PRPSAP2: variants seen among roughly 807,000 people sequenced by gnomAD.
PRPSAP2 encodes the protein phosphoribosyl pyrophosphate synthetase associated protein 2.
In PRPSAP2, 24 loss-of-function variants were observed where a neutral mutation model predicts 40.6. The observed-to-expected ratio is 0.59, with a 90% CI of 0.43 to 0.83. The LOEUF is 0.83. Ranked by LOEUF, PRPSAP2 falls within the 40% of genes least tolerant of loss-of-function variation. The pLI, the probability that PRPSAP2 is intolerant of heterozygous loss-of-function variation, is 0.00. For missense variants in PRPSAP2, 292 were observed against 465.6 expected, an observed-to-expected ratio of 0.63 and a Z score of 3.43; for synonymous variants, 149 against 164.7, an observed-to-expected ratio of 0.90 and a Z score of 0.73.
chr17:18,866,713 C>T (rs564335691), intron 3 of PRPSAP2, among the ~76,000 whole-genome samples: 11 of 152,192 alleles, frequency 7.2e-5, no homozygotes, highest in African/African-American at 2.2e-4. Context: ...CAAGATCCAT[C>T]CTTTTTATGA....
chr17:18,877,995 C>T (rs935331527), intron 6 of PRPSAP2, 125 bp downstream of exon 6: 6 of 1,042,522 alleles, frequency 5.8e-6, no homozygotes, highest in South Asian at 3.3e-5. Flanking sequence ...GATCATAGCT[C>T]ACTGCAACTT....
chr17:18,906,539 G>A (rs2040596564), intron 8 of PRPSAP2, among the ~76,000 whole-genome samples: 1 of 150,420 alleles, frequency 6.6e-6, no homozygotes, highest in African/African-American at 2.4e-5. Context: ...TATTTTTGTA[G>A]AGACGAGGTC....
intron 7 of PRPSAP2, among the ~76,000 whole-genome samples, chr17:18,885,145 A>G (rs1025377555): frequency 1.3e-5 from 2 of 152,064 alleles, no homozygotes; most frequent in African/African-American, 2.4e-5. Context: ...CCACACCTAT[A>G]ATCCCAGCAC....
At chr17:18,912,049 G>A (rs2040991240) in intron 9 of PRPSAP2, among the ~76,000 whole-genome samples, 1 of 152,216 alleles carries the variant, frequency 6.6e-6, no homozygotes, top group Non-Finnish European at 1.5e-5. Flanking sequence ...AAGTGTGGTG[G>A]CGTATGCCTG....
intron 9 of PRPSAP2, among the ~76,000 whole-genome samples, chr17:18,914,911 G>A (rs998596688): frequency 6.6e-6 from 1 of 151,768 alleles, no homozygotes; most frequent in East Asian, 1.9e-4. Context: ...TTTTAATAGA[G>A]ATGGCATTCC....
In PRPSAP2 at chr17:18,924,074, C is replaced by T. The variant is rs111586175; in HGVS notation, c.804+90C>T. ...TGATTGATTTTATTACAGAGACTCA[C>T]TGTCGCCCAGGCTGGAGTGCAGTGG... On this transcript the variant is annotated intron_variant, in intron 10 of 11. Coordinates refer to ENST00000268835, the MANE Select transcript of PRPSAP2 (RefSeq NM_002767.4). The T allele has an allele frequency of 2.3e-4, 304 of 1,333,590 alleles. 2 individuals carry two copies. In the African/African-American group the frequency reaches 4.0e-3, roughly 18 times the overall value. 82.6% of individuals were successfully genotyped at this position (1,333,590 alleles called of 1,614,324 possible).
intron 9 of PRPSAP2, among the ~76,000 whole-genome samples, chr17:18,918,752 A>C (rs1411360364): frequency 6.6e-6 from 1 of 152,102 alleles, no homozygotes; most frequent in South Asian, 2.1e-4. Flanking sequence ...CACTGGCTAC[A>C]TGTGGCTCCT....
intron 3 of PRPSAP2, 114 bp from the exon 4 acceptor site, chr17:18,867,168 G>A (rs571500923): frequency 1.3e-5 from 14 of 1,089,202 alleles, no homozygotes; most frequent in Non-Finnish European, 1.8e-5. Context: ...AATTTTATAA[G>A]AAGAATAACT....
intron 5 of PRPSAP2, among the ~76,000 whole-genome samples, chr17:18,873,263 G>GGCTTACCGCAACCTCA (rs1240248403): frequency 2.1e-5 from 3 of 144,390 alleles, no homozygotes; most frequent in African/African-American, 7.8e-5. Flanking sequence ...ACGCGATCTC[G>GGCTTACCGCAACCTCA]GCTTACCGCA....
rs1338617180 is a variant in PRPSAP2 at position 18,911,446 on chromosome 17, CCTT to C, written c.733+199_733+201del. ...GTAAGGCCGTTTAGAAGCAGTCTGT[CCTT>C]CTTTGCAAGACCTGTGAAAATGTTT... On this transcript the variant is annotated intron_variant, in intron 9 of 11. Coordinates refer to ENST00000268835, the MANE Select transcript of PRPSAP2 (RefSeq NM_002767.4). This position sits in a 1 kb window ranked among gnomAD's most constrained non-coding sequence, Gnocchi z 4.5. Among the ~76,000 whole-genome samples the C allele has an allele frequency of 3.3e-5, 5 of 152,136 alleles. No individual in the cohort carries two copies. Among genetic ancestry groups the C allele is most frequent in the Non-Finnish European group, 7.3e-5 (5 of 68,036 alleles).
At chr17:18,910,195 G>C (rs2040873065) in intron 8 of PRPSAP2, among the ~76,000 whole-genome samples, 2 of 152,150 alleles carry the variant, frequency 1.3e-5, no homozygotes, top group African/African-American at 4.8e-5. Context: ...CGAGGTGGGT[G>C]GATCATTTCA....
At chr17:18,889,982 C>G (rs897007863) in intron 8 of PRPSAP2, 105 bp downstream of exon 8, 1 of 969,246 alleles carries the variant, frequency 1.0e-6, no homozygotes, top group Non-Finnish European at 1.5e-6. Flanking sequence ...CCAGCGATAT[C>G]TCTTATTTTT....
chr17:18,869,838 T>TGTGTGTGTGTGTGTG (rs58195806), intron 4 of PRPSAP2, among the ~76,000 whole-genome samples: 5,980 of 139,372 alleles, frequency 0.043, 176 homozygotes, highest in Non-Finnish European at 0.059. Flanking sequence ...TTGCTACTTT[T>TGTGTGTGTGTGTGTG]TTTTTGTGTG....
chr17:18,921,946 C>T (rs545264845), intron 9 of PRPSAP2, among the ~76,000 whole-genome samples: 4 of 152,264 alleles, frequency 2.6e-5, no homozygotes, highest in East Asian at 1.9e-4. Flanking sequence ...CTCATTACCC[C>T]GGAAGAACAC....
Position 18,911,213 on chromosome 17 carries a change from G to A in PRPSAP2, c.695G>A (p.Arg232Lys), listed in dbSNP as rs775797876. 2.5e-6 allele frequency: 4 copies of A among 1,613,358 alleles called. No homozygotes were observed. The African/African-American group carries it at 4.0e-5, about 16-fold the overall frequency. ...GGACGGCATTCCCCACCCATGGTCAGAAGTGTGGCTGCCATCCACCCCAGC... is the reference window on the plus strand; with the variant it reads ...GGACGGCATTCCCCACCCATGGTCAAAAGTGTGGCTGCCATCCACCCCAGC... The part of the protein sequence containing the change: ...VDGRHSPPMV[R>K]SVAAIHPSLE... Residue 232 changes from arginine (R) to lysine (K), a missense_variant, in exon 9 of 12, where the codon AGA becomes AAA. By Grantham distance (26) the Arg-to-Lys change is conservative. Around this residue, in one of 2 missense-constraint regions of PRPSAP2, gnomAD observed 241 missense variants for 425.7 expected, o/e 0.57. Transcript: ENST00000268835. The surrounding 1 kb of genome is among the most constrained non-coding windows in gnomAD (Gnocchi z 4.5).
At chr17:18,919,033 A>G (rs1211103982) in intron 9 of PRPSAP2, among the ~76,000 whole-genome samples, 1 of 152,140 alleles carries the variant, frequency 6.6e-6, no homozygotes, top group Admixed American at 6.5e-5. Flanking sequence ...TAACAATGGG[A>G]ATGAAAGTGA....
chr17:18,881,842 AT>A (rs368088976), intron 6 of PRPSAP2, among the ~76,000 whole-genome samples: 69,956 of 131,522 alleles, frequency 0.53, 17,606 homozygotes, highest in Middle Eastern at 0.62. Flanking sequence ...CATGAGAGCA[AT>A]TTTTTTTTTT....
intron 4 of PRPSAP2, among the ~76,000 whole-genome samples, chr17:18,869,867 A>T (rs1320579037): frequency 0.017 from 947 of 57,198 alleles, 9 homozygotes; most frequent in African/African-American, 0.058. Flanking sequence ...TGTGTGTGTG[A>T]GACAGAGTCT....
rs754440972 is a variant in PRPSAP2, at chr17:18,877,743, A to G, written c.285A>G (p.Ala95=). The G allele has an allele frequency of 5.6e-6, 9 of 1,613,882 alleles. No homozygotes were observed. Among genetic ancestry groups the G allele is most frequent in the Non-Finnish European group, 6.8e-6 (8 of 1,179,960 alleles). The change falls in exon 6 of 12, where the codon GCA becomes GCG. Residue 95 remains alanine (A), a synonymous_variant. Transcript: ENST00000268835. ...TGGAGCTCCTGATCATGGTGTATGC[A>G]TGTAAGACCTCTTGTGCCAAGAGCA... The part of the protein sequence containing the change: ...TIMELLIMVY[A]CKTSCAKSII...
Sources: gnomAD v4.1 joint callset for allele counts (sites outside exome capture counted in the v4.1 genomes callset) on GRCh38, gnomAD v4.1.1 for gene constraint, gnomAD v4.1.1 regional missense constraint, Gnocchi (gnomAD v3.1) non-coding constraint, MANE v1.5 for transcripts, NCBI Gene and HGNC (gene_info 2026-07-23, HGNC 2026-07-21) for gene names.